Variants in CHLSN observed in about 807,000 individuals in gnomAD.
CHLSN encodes the protein cholesin.
the CHLSN span, among the ~76,000 whole-genome samples, chr7:1,125,661 G>A: frequency 2.6e-5 from 4 of 152,194 alleles, no homozygotes; most frequent in African/African-American, 9.6e-5. Context: ...CAGCAAGGGC[G>A]CTCAGCACTG....
chr7:1,001,075 G>C, the CHLSN span, among the ~76,000 whole-genome samples: 1 of 152,266 alleles, frequency 6.6e-6, no homozygotes, highest in South Asian at 2.1e-4. Flanking sequence ...TCCCGCTCCT[G>C]CACTAGGGCC....
the CHLSN span, among the ~76,000 whole-genome samples, chr7:1,002,352 G>A: frequency 7.9e-6 from 1 of 126,916 alleles, no homozygotes; most frequent in Admixed American, 7.7e-5. Flanking sequence ...TGGGTGGGGA[G>A]TCCTGTGGGT....
At chr7:1,028,395 T>G in the CHLSN span, 4 of 987,090 alleles carry the variant, frequency 4.1e-6, no homozygotes, top group East Asian at 1.1e-4. Context: ...CCGGCGCGGC[T>G]GGAACCAGAT....
the CHLSN span, among the ~76,000 whole-genome samples, chr7:979,247 T>G: frequency 5.3e-5 from 8 of 152,228 alleles, no homozygotes; most frequent in Non-Finnish European, 1.2e-4. Flanking sequence ...TCAGTTCGAC[T>G]GCTCCAAAGC....
At chr7:1,106,526 T>C in the CHLSN span, among the ~76,000 whole-genome samples, 19 of 151,606 alleles carry the variant, frequency 1.3e-4, no homozygotes, top group Non-Finnish European at 2.7e-4. Flanking sequence ...TTCCACAGAG[T>C]CTGCTGGCAG....
the CHLSN span, chr7:1,127,199 A>G: frequency 6.5e-7 from 1 of 1,529,230 alleles, no homozygotes; most frequent in Non-Finnish European, 8.7e-7. Flanking sequence ...CTCTCCCTCC[A>G]GATCAGATAA....
the CHLSN span, chr7:985,351 T>C: frequency 6.1e-5 from 94 of 1,545,554 alleles, 3 homozygotes; most frequent in Middle Eastern, 3.4e-3. Context: ...ATCCTTGGGG[T>C]GGGGTGGAGC....
At chr7:1,104,979 T>A in the CHLSN span, among the ~76,000 whole-genome samples, 12 of 152,216 alleles carry the variant, frequency 7.9e-5, no homozygotes, top group Non-Finnish European at 1.6e-4. Context: ...GTTCAGAGGC[T>A]TCCTTTGAAC....
the CHLSN span, among the ~76,000 whole-genome samples, chr7:1,130,527 C>CCCTGTCCCCACCCCTCCCTT: frequency 6.6e-6 from 1 of 152,140 alleles, no homozygotes; most frequent in Non-Finnish European, 1.5e-5. Context: ...GACCCCATGC[C>CCCTGTCCCCACCCCTCCCTT]CCTGTCCCCA....
chr7:1,044,098 T>G, the CHLSN span, among the ~76,000 whole-genome samples: 1 of 152,106 alleles, frequency 6.6e-6, no homozygotes, highest in African/African-American at 2.4e-5. Context: ...AACCAGGAAG[T>G]AATTGGTGAC....
chr7:985,007 C>T, the CHLSN span: 1 of 1,611,504 alleles, frequency 6.2e-7, no homozygotes, highest in Middle Eastern at 1.7e-4. Context: ...ACGGTGCGTG[C>T]CCTGCACAGC....
chr7:993,362 A>C, the CHLSN span, among the ~76,000 whole-genome samples: 1 of 152,110 alleles, frequency 6.6e-6, no homozygotes. Flanking sequence ...TGATCTGTGC[A>C]GGGACAGGCA....
the CHLSN span, among the ~76,000 whole-genome samples, chr7:1,099,933 C>T: frequency 1.4e-3 from 216 of 152,292 alleles, 2 homozygotes; most frequent in African/African-American, 4.6e-3. Context: ...TAATACCGTG[C>T]GGCAGATGCA....
chr7:1,093,279 C>T, the CHLSN span: 5 of 437,414 alleles, frequency 1.1e-5, no homozygotes, highest in African/African-American at 6.1e-5. Context: ...AATCTGCCAC[C>T]GTGGGGGAAC....
chr7:1,076,318 C>T, the CHLSN span: 976 of 159,974 alleles, frequency 6.1e-3, 15 homozygotes, highest in African/African-American at 0.022. Context: ...GGAGGAGCAC[C>T]GCCAAGGAGG....
At chr7:987,807 C>T in the CHLSN span, among the ~76,000 whole-genome samples, 2 of 151,422 alleles carry the variant, frequency 1.3e-5, no homozygotes, top group East Asian at 1.9e-4. Flanking sequence ...GTGTCCTAGG[C>T]GATCCCCTCG....
the CHLSN span, among the ~76,000 whole-genome samples, chr7:1,070,001 G>A: frequency 1.6e-4 from 17 of 109,370 alleles, no homozygotes; most frequent in South Asian, 1.0e-3. Flanking sequence ...CTGCCCCGCC[G>A]CCCCATCTGG....
the CHLSN span, among the ~76,000 whole-genome samples, chr7:1,019,193 C>CAA: frequency 1.7e-3 from 58 of 35,014 alleles, no homozygotes; most frequent in African/African-American, 5.4e-3. Context: ...GACTCTGTCT[C>CAA]AAAAAAAAAA....
chr7:1,000,453 CCCCGCCGTGCACA>C, the CHLSN span: 1 of 1,572,990 alleles, frequency 6.4e-7, no homozygotes, highest in African/African-American at 1.3e-5. Context: ...GACGTGCCTG[CCCCGCCGTGCACA>C]CACCTTGTCA....
Sources: gnomAD v4.1 joint callset for allele counts (sites outside exome capture counted in the v4.1 genomes callset) on GRCh38, gnomAD v4.1.1 for gene constraint, MANE v1.5 for transcripts, NCBI Gene and HGNC (gene_info 2026-07-23, HGNC 2026-07-21) for gene names.